Variants in PIGG observed in about 807,000 individuals in gnomAD.
PIGG encodes the protein phosphatidylinositol glycan anchor biosynthesis class G (EMM blood group).
PIGG carries 70 observed loss-of-function variants against 83.2 expected under a neutral mutation model. The ratio of observed to expected loss-of-function variants is 0.84; its 90% CI spans 0.69 to 1.03. The LOEUF is 1.03. Among genes scored for constraint, PIGG ranks in the 50% least tolerant of loss-of-function variants. The pLI is 0.00. For synonymous variants in PIGG, 532 were observed against 519.5 expected (o/e 1.02, Z -0.33); for missense variants, 1,257 against 1,233.6 (o/e 1.02, Z -0.28).
rs1171328313 is a variant in PIGG, at chr4:521,236, T to C, written c.1295T>C (p.Ile432Thr). The change falls in exon 7 of 13, where the codon ATC becomes ACC. Residue 432 changes from isoleucine to threonine, a missense_variant. Ile to Thr is a moderately conservative substitution (Grantham distance 89). Coordinates refer to ENST00000453061, the MANE Select transcript of PIGG (RefSeq NM_001127178.3). ...SLSAQVAQYDIYSMMVGTVVV... is the reference protein window; with the variant it reads ...SLSAQVAQYDTYSMMVGTVVV... The stretch of plus-strand genomic sequence containing the variant: ...AGTGCACAAGTGGCCCAGTACGACA[T>C]CTATTCGATGATGGTGGGGACTGTC... The C allele has an allele frequency of 6.2e-7, 1 of 1,614,064 alleles. No individual in the cohort carries two copies. The highest frequency in any genetic ancestry group is 1.7e-5 in the Admixed American group (1 of 60,024).
chr4:504,745 T>C (rs1719003384), intron 2 of PIGG, among the ~76,000 whole-genome samples: 1 of 152,188 alleles, frequency 6.6e-6, no homozygotes, highest in African/African-American at 2.4e-5. Context: ...TAACTCTAAA[T>C]CACAGAGATC....
At chr4:518,549 C>T (rs1310316033) in intron 6 of PIGG, among the ~76,000 whole-genome samples, 2 of 152,100 alleles carry the variant, frequency 1.3e-5, no homozygotes, top group South Asian at 2.1e-4. Context: ...GCCGAGATGG[C>T]GACACTGCAC....
At position 521,070 on chromosome 4, in the gene PIGG, C is replaced by T; in HGVS notation, c.1129C>T (p.Gln377Ter). ...PSYEKDPGFE[Q>*]FKMSERLHGN... is the part of the protein sequence containing the mutation. ...CTTCTTAATAGATCCTGGGTTTGAG[C>T]AGTTTAAAATGTCAGAAAGATTGCA... is the stretch of plus-strand genomic sequence containing the variant. Residue 377 changes from glutamine (Q) to a stop codon, truncating the protein, a stop_gained, in exon 7 of 13, where the codon CAG becomes TAG. Coordinates refer to ENST00000453061, the MANE Select transcript of PIGG (RefSeq NM_001127178.3). LOFTEE classifies it high-confidence loss of function. 6.2e-7 allele frequency: 1 copy of T among 1,613,106 alleles called. No homozygotes were observed. Among genetic ancestry groups the T allele is most frequent in the Non-Finnish European group, 8.5e-7 (1 of 1,179,054 alleles).
intron 2 of PIGG, among the ~76,000 whole-genome samples, chr4:505,106 T>C (rs774468424): frequency 6.6e-6 from 1 of 152,156 alleles, no homozygotes; most frequent in African/African-American, 2.4e-5. Flanking sequence ...CACAGGTTAA[T>C]GTTTCTAATG....
At chr4:538,335 A>T (rs1057267740) in intron 12 of PIGG, among the ~76,000 whole-genome samples, 1 of 152,164 alleles carries the variant, frequency 6.6e-6, no homozygotes, top group Non-Finnish European at 1.5e-5. Context: ...GGGTACATTA[A>T]CATACTTCGA....
chr4:521,057 T>C lies in PIGG; in HGVS notation c.1116T>C (p.Asp372=). Residue 372 remains aspartate (D), a splice_region_variant and synonymous_variant, in exon 7 of 13, where the codon GAT becomes GAC. Transcript: ENST00000453061. ...GTAACCTTTCTGTCTTCTTAATAGA[T>C]CCTGGGTTTGAGCAGTTTAAAATGT... ...LQENVPSYEK[D]PGFEQFKMSE... is the part of the protein sequence containing the mutation. 4 of 1,610,722 alleles carry C rather than the reference T, an allele frequency of 2.5e-6. No individual in the cohort carries two copies. Among genetic ancestry groups the C allele is most frequent in the Non-Finnish European group, 3.4e-6 (4 of 1,176,866 alleles).
Position 533,919 on chromosome 4 carries a change from G to C in PIGG, c.2673G>C (p.Thr891=), listed in dbSNP as rs115590778. 9.3e-6 allele frequency: 15 copies of C among 1,614,140 alleles called. No homozygotes were observed. In the African/African-American group the frequency reaches 1.9e-4, roughly 20 times the overall value. ...IPAVLLTAFG[T]YAGPVLWASH... The stretch of plus-strand genomic sequence containing the variant: ...CCGTGCTCCTGACAGCGTTTGGGAC[G>C]TACGCAGGGCCTGTGCTGTGGGCCA... The change falls in exon 12 of 13, where the codon ACG becomes ACC. Residue 891 remains threonine (T), a synonymous_variant. Transcript: ENST00000453061.
chr4:524,247 C>T (rs988840077), intron 9 of PIGG, among the ~76,000 whole-genome samples: 5 of 152,174 alleles, frequency 3.3e-5, no homozygotes, highest in Non-Finnish European at 7.3e-5. Flanking sequence ...TTGTTCTGGA[C>T]GCCTCGTCCA....
chr4:508,151 A>G (rs782362618), intron 4 of PIGG, among the ~76,000 whole-genome samples: 2 of 152,238 alleles, frequency 1.3e-5, no homozygotes, highest in Admixed American at 6.5e-5. Flanking sequence ...AGATGAGTAA[A>G]TAAGTATGTG....
intron 2 of PIGG, among the ~76,000 whole-genome samples, chr4:505,233 G>A (rs139953647): frequency 8.5e-4 from 129 of 152,188 alleles, no homozygotes; most frequent in Non-Finnish European, 1.5e-3. Context: ...CAGCTGGAAA[G>A]ATTATTAGGA....
chr4:500,663 C>T (rs1189991037), intron 2 of PIGG, 62 bp downstream of exon 2: 1 of 1,043,684 alleles, frequency 9.6e-7, no homozygotes, highest in Non-Finnish European at 1.5e-6. Context: ...TAGAGGGGGT[C>T]TCTGTAGTCT....
Position 516,189 on chromosome 4 carries a change from A to G in PIGG, c.1114+4A>G, listed in dbSNP as rs765127229. ...AATGTGCCGTCATATGAAAAAGGTC[A>G]GTCAACTCACCGTTTCGAGCTCTGT... is the stretch of plus-strand genomic sequence containing the variant. On this transcript the variant is annotated splice_donor_region_variant and intron_variant, in intron 6 of 12. Coordinates refer to ENST00000453061, the MANE Select transcript of PIGG (RefSeq NM_001127178.3). The G allele has an allele frequency of 1.0e-5, 16 of 1,601,534 alleles. No homozygotes were observed. The highest frequency in any genetic ancestry group is 8.6e-6 in the Non-Finnish European group (10 of 1,168,598).
intron 10 of PIGG, among the ~76,000 whole-genome samples, chr4:529,815 T>C (rs954556055): frequency 6.6e-6 from 1 of 152,210 alleles, no homozygotes; most frequent in Non-Finnish European, 1.5e-5. Context: ...GTCAGAAGTC[T>C]TGATTGACAC....
rs782709196 is a variant in PIGG, at chr4:500,376, T to A, written c.155-20T>A. 6.3e-6 allele frequency: 10 copies of A among 1,594,862 alleles called. No individual in the cohort carries two copies. The highest frequency in any genetic ancestry group is 7.7e-6 in the Non-Finnish European group (9 of 1,164,204). ...GAAAGTTTAGAGTTCAATTTCCTTT[T>A]TTTTCTTTCAAACACTTAGGAGCCA... On this transcript the variant is annotated intron_variant, in intron 1 of 12. Transcript: ENST00000453061.
chr4:521,742 T>C lies in PIGG; in HGVS notation c.1415T>C (p.Phe472Ser), dbSNP rs1725959498. 1 of 1,614,204 alleles carries C rather than the reference T, an allele frequency of 6.2e-7. No homozygotes were observed. The highest frequency in any genetic ancestry group is 2.2e-5 in the East Asian group (1 of 44,880). The change falls in exon 8 of 13, where the codon TTT (phenylalanine) becomes TCT (serine). Residue 472 changes from phenylalanine (F) to serine (S), a missense_variant. Coordinates refer to ENST00000453061, the MANE Select transcript of PIGG (RefSeq NM_001127178.3). ...ELEVPLSSPG[F>S]SLLFYLVILV... is the part of the protein sequence containing the mutation. ...GAAGTCCCACTGTCATCTCCTGGGT[T>C]TTCTCTGCTCTTTTATTTGGTGATC...
chr4:519,076 G>A (rs1402816689), intron 6 of PIGG, among the ~76,000 whole-genome samples: 4 of 152,092 alleles, frequency 2.6e-5, no homozygotes, highest in Non-Finnish European at 4.4e-5. Flanking sequence ...AGACCTTCCT[G>A]GTCCAGCGCC....
At chr4:513,054 G>A (rs930025934) in intron 5 of PIGG, among the ~76,000 whole-genome samples, 2 of 152,208 alleles carry the variant, frequency 1.3e-5, no homozygotes, top group African/African-American at 4.8e-5. Flanking sequence ...GAGGGGGAGG[G>A]AGGGAGCAGG....
At chr4:510,427 G>A (rs567403081) in intron 5 of PIGG, among the ~76,000 whole-genome samples, 5 of 152,212 alleles carry the variant, frequency 3.3e-5, no homozygotes, top group Non-Finnish European at 7.3e-5. Flanking sequence ...CCTCATTCCC[G>A]TAAACCCACA....
chr4:523,578 G>T lies in PIGG; in HGVS notation c.1734G>T (p.Trp578Cys). 1 of 1,614,114 alleles carries T rather than the reference G, an allele frequency of 6.2e-7. No individual in the cohort carries two copies. The highest frequency in any genetic ancestry group is 8.5e-7 in the Non-Finnish European group (1 of 1,180,002). Residue 578 changes from tryptophan (W) to cysteine (C), a missense_variant, in exon 9 of 13, where the codon TGG (tryptophan) becomes TGT (cysteine). Trp to Cys is a radical substitution (Grantham distance 215). Coordinates refer to ENST00000453061, the MANE Select transcript of PIGG (RefSeq NM_001127178.3). Reference sequence around the variant, plus strand: ...TCGTGGAGGAGGAGCACCAGACCTGGTACTTCCTTGTGAACACCCTGTGTC... The same window carrying T: ...TCGTGGAGGAGGAGCACCAGACCTGTTACTTCCTTGTGAACACCCTGTGTC... ...SSFVEEEHQT[W>C]YFLVNTLCLA...
Sources: allele counts gnomAD v4.1 joint callset (sites outside exome capture counted in the v4.1 genomes callset), GRCh38; gene constraint gnomAD v4.1.1; transcripts MANE v1.5; gene names NCBI Gene and HGNC (gene_info 2026-07-23, HGNC 2026-07-21).